The following DNAH11 variants were observed in gnomAD, a reference collection of about 807,000 sequenced individuals.
DNAH11 encodes dynein axonemal heavy chain 11, also known as axonemal beta dynein heavy chain 11.
A neutral mutation model predicts 526.0 loss-of-function variants in DNAH11; 442 were observed. That is an observed-to-expected ratio of 0.84 (90% CI 0.78 to 0.91). The LOEUF is 0.91. Ranked by LOEUF, DNAH11 falls within the 40% of genes least tolerant of loss-of-function variation. The probability of loss-of-function intolerance (pLI) is 0.00; values close to 1 mark genes in which losing one functional copy is unlikely to be tolerated. For missense variants in DNAH11, 6,989 were observed against 5,448.7 expected (o/e 1.28, Z -8.90); for synonymous variants, 2,461 against 1,935.9 (o/e 1.27, Z -7.12).
At chr7:21,629,979 A>G (rs578228399) in intron 25 of DNAH11, among the ~76,000 whole-genome samples, 53 of 151,548 alleles carry the variant, frequency 3.5e-4, no homozygotes, top group African/African-American at 1.3e-3. Context: ...TTGTTTTGTA[A>G]TTTTTCTTTT....
chr7:21,590,836 T>G (rs1217851627), intron 12 of DNAH11, 82 bp from the exon 13 acceptor site: 1 of 830,638 alleles, frequency 1.2e-6, no homozygotes, highest in Admixed American at 4.1e-5. Context: ...GATAACATCT[T>G]AAGTATTTCA....
intron 27 of DNAH11, among the ~76,000 whole-genome samples, 158 bp downstream of exon 27, chr7:21,637,860 C>T (rs1303196326): frequency 6.6e-6 from 1 of 151,882 alleles, no homozygotes; most frequent in Admixed American, 6.6e-5. Flanking sequence ...GTACATATGA[C>T]ATGGAACATA....
chr7:21,707,715 AC>A lies in DNAH11; in HGVS notation c.6565del (p.Arg2189GlufsTer6), dbSNP rs2128480167. On this transcript the variant is annotated frameshift_variant, in exon 40 of 82. Transcript: ENST00000409508. LOFTEE classifies it high-confidence loss of function. ...TCCCCTCAGATTTTGAGAACACTGA[AC>A]CGAACATATGTTAACATGAAACAGA... is the stretch of plus-strand genomic sequence containing the variant. ...TGKSKILRTL[N>X]RTYVNMKQKP... 3 of 1,613,188 alleles carry A rather than the reference AC, an allele frequency of 1.9e-6. No individual in the cohort carries two copies. In the South Asian group the frequency reaches 3.3e-5, roughly 18 times the overall value.
At chr7:21,561,913 G>A (rs937656147) in intron 5 of DNAH11, among the ~76,000 whole-genome samples, 3 of 152,006 alleles carry the variant, frequency 2.0e-5, no homozygotes, top group South Asian at 2.1e-4. Context: ...TTTTTCCCAC[G>A]TGACATTTGG....
At chr7:21,618,985 T>G (rs1200012805) in intron 23 of DNAH11, 115 bp from the exon 24 acceptor site, 8 of 1,317,670 alleles carry the variant, frequency 6.1e-6, no homozygotes, top group Non-Finnish European at 7.5e-6. Context: ...ACGAGAGATG[T>G]ACTCAGCACC....
intron 59 of DNAH11, among the ~76,000 whole-genome samples, chr7:21,787,010 C>A (rs541899108): frequency 6.6e-6 from 1 of 152,236 alleles, no homozygotes; most frequent in East Asian, 1.9e-4. Flanking sequence ...TAATTATTTG[C>A]AAAATTATGA....
In DNAH11 at chr7:21,591,323, T is replaced by C. The variant is rs1381158176; in HGVS notation, c.2413T>C (p.Trp805Arg). 2 of 1,613,884 alleles carry C rather than the reference T, an allele frequency of 1.2e-6. No homozygotes were observed. The highest frequency in any genetic ancestry group is 3.3e-5 in the Admixed American group (2 of 60,018). ...QLTAATTWLT[W>R]QDDCWGYIER... Reference sequence around the variant, plus strand: ...GACAGCAGCCACAACGTGGCTGACATGGCAGGATGACTGCTGGGGCTACAT... The same window carrying C: ...GACAGCAGCCACAACGTGGCTGACACGGCAGGATGACTGCTGGGGCTACAT... Residue 805 changes from tryptophan to arginine, a missense_variant, in exon 14 of 82, where the codon TGG becomes CGG. Coordinates refer to ENST00000409508, the MANE Select transcript of DNAH11 (RefSeq NM_001277115.2).
intron 51 of DNAH11, 148 bp downstream of exon 51, chr7:21,745,211 GC>G: frequency 3.7e-6 from 3 of 805,168 alleles, no homozygotes; most frequent in Non-Finnish European, 5.6e-6. Context: ...TAAAAGGGTC[GC>G]TTTTTAATGT....
chr7:21,642,845 A>C (rs1418357981), intron 28 of DNAH11, among the ~76,000 whole-genome samples: 1 of 151,886 alleles, frequency 6.6e-6, no homozygotes, highest in East Asian at 1.9e-4. Context: ...GCAAGCAGAA[A>C]CCCCCAGTTT....
chr7:21,736,456 C>T (rs1785617023), intron 46 of DNAH11, among the ~76,000 whole-genome samples: 1 of 152,106 alleles, frequency 6.6e-6, no homozygotes, highest in Non-Finnish European at 1.5e-5. Context: ...AAAGGGGGCT[C>T]TGTTGGGGGG....
intron 3 of DNAH11, 40 bp downstream of exon 3, chr7:21,559,038 G>C (rs1175615585): frequency 1.3e-6 from 2 of 1,524,128 alleles, no homozygotes; most frequent in Non-Finnish European, 1.8e-6. Flanking sequence ...TTAAAGTAGA[G>C]AGCCAGGCCA....
intron 76 of DNAH11, among the ~76,000 whole-genome samples, chr7:21,888,985 GTT>G (rs1784232523): frequency 2.0e-5 from 1 of 48,956 alleles, no homozygotes. Context: ...TTTTAGAACA[GTT>G]TATTACCCAC....
At chr7:21,823,632 A>G (rs943004078) in intron 65 of DNAH11, among the ~76,000 whole-genome samples, 3 of 152,154 alleles carry the variant, frequency 2.0e-5, no homozygotes, top group African/African-American at 7.2e-5. Context: ...TTTGATTATA[A>G]TAAGTTCTTT....
At chr7:21,768,888 T>C (rs1232150749) in intron 55 of DNAH11, among the ~76,000 whole-genome samples, 1 of 152,230 alleles carries the variant, frequency 6.6e-6, no homozygotes, top group Non-Finnish European at 1.5e-5. Context: ...GTTTCTATCA[T>C]ATTAATGACT....
At position 21,784,557 on chromosome 7, in the gene DNAH11, G is replaced by C. The variant is rs956446709; in HGVS notation, c.9597+17G>C. 13 of 1,544,554 alleles carry C rather than the reference G, an allele frequency of 8.4e-6. No homozygotes were observed. The highest frequency in any genetic ancestry group is 1.4e-5 in the African/African-American group (1 of 72,616). On this transcript the variant is annotated intron_variant, in intron 58 of 81. Coordinates refer to ENST00000409508, the MANE Select transcript of DNAH11 (RefSeq NM_001277115.2). ...CTCAACAGGGTAAAGATAATTTATT[G>C]GTCCCTGAGTTTCCTCAAAGTAATA... is the stretch of plus-strand genomic sequence containing the variant.
At chr7:21,843,200 T>C (rs1422849756) in intron 66 of DNAH11, among the ~76,000 whole-genome samples, 2 of 152,096 alleles carry the variant, frequency 1.3e-5, no homozygotes, top group African/African-American at 4.8e-5. Flanking sequence ...ATACTGAAAT[T>C]TAGTGTTATA....
At chr7:21,874,292 T>C (rs1783615476) in intron 74 of DNAH11, among the ~76,000 whole-genome samples, 2 of 151,706 alleles carry the variant, frequency 1.3e-5, no homozygotes, top group African/African-American at 4.9e-5. Context: ...TATATGTTCA[T>C]GTTTTTCCAA....
At chr7:21,760,285 T>A (rs1479538422) in intron 54 of DNAH11, among the ~76,000 whole-genome samples, 3 of 152,130 alleles carry the variant, frequency 2.0e-5, no homozygotes, top group African/African-American at 7.2e-5. Flanking sequence ...GAGAGTTGAT[T>A]GGTGATAATA....
chr7:21,674,611 G>A (rs1265169501), intron 30 of DNAH11, among the ~76,000 whole-genome samples: 3 of 151,996 alleles, frequency 2.0e-5, no homozygotes, highest in East Asian at 1.9e-4. Context: ...CATCTGCCTC[G>A]GCCTGCCACG....
Sources: allele counts gnomAD v4.1 joint callset (sites outside exome capture counted in the v4.1 genomes callset), GRCh38; gene constraint gnomAD v4.1.1; transcripts MANE v1.5; gene names NCBI Gene and HGNC (gene_info 2026-07-23, HGNC 2026-07-21).